The following AATK variants were observed in gnomAD, a reference collection of about 807,000 sequenced individuals.
The protein encoded by AATK is lemur tail kinase 1, also known as serine/threonine-protein kinase LMTK1.
AATK carries 91 observed loss-of-function variants against 114.3 expected under a neutral mutation model. That is an observed-to-expected ratio of 0.80 (90% CI 0.67 to 0.95). The LOEUF is 0.95. AATK is among the 40% of genes least tolerant of loss of function. The probability of loss-of-function intolerance (pLI) is 0.00; values close to 1 mark genes in which losing one functional copy is unlikely to be tolerated. For missense variants in AATK, 2,176 were observed against 1,965.2 expected (o/e 1.11, Z -2.03); for synonymous variants, 1,075 against 916.5 (o/e 1.17, Z -3.12).
intron 1 of AATK, among the ~76,000 whole-genome samples, chr17:81,153,068 C>T (rs1394661222): frequency 6.6e-6 from 1 of 152,116 alleles, no homozygotes; most frequent in Non-Finnish European, 1.5e-5. Flanking sequence ...TCTTGAACTC[C>T]CGACCTCAGG....
Position 81,128,491 on chromosome 17 carries a change from G to T in AATK, c.393C>A (p.Ile131=). 1 of 1,549,296 alleles carries T rather than the reference G, an allele frequency of 6.5e-7. No homozygotes were observed. Among genetic ancestry groups the T allele is most frequent in the Non-Finnish European group, 8.7e-7 (1 of 1,146,884 alleles). Residue 131 remains isoleucine, a synonymous_variant, in exon 4 of 14, where the codon ATC becomes ATA. Transcript: ENST00000326724. ...GTACCTTCCCGAACCAGCCACGGCC[G>T]ATTTCCTTCAGGTACAGGAGGCTGT... ...GRHSLLYLKE[I]GRGWFGKVFL...
rs561846924 is a variant in AATK, at chr17:81,147,649, C to T, written c.56-13148G>A. Among the ~76,000 whole-genome samples, 32 of 151,572 alleles carry T rather than the reference C, an allele frequency of 2.1e-4. 3 individuals are homozygous for T. Among genetic ancestry groups the T allele is most frequent in the Admixed American group, 1.4e-3 (22 of 15,182 alleles). ...CACACACCTGTGGTCCCAGCTACTC[C>T]GGAGGCTGAGGTCGGAGGATCGCTT... On this transcript the variant is annotated intron_variant, in intron 1 of 13. Coordinates refer to ENST00000326724, the MANE Select transcript of AATK (RefSeq NM_001080395.3).
chr17:81,118,458 A>G lies in AATK; in HGVS notation c.4085-16T>C. ...GCTTCAGGTCCTGGCAAGCAGGACAACAAAGTGAACACAGGGTTCTGAGAC... is the reference window on the plus strand; with the variant it reads ...GCTTCAGGTCCTGGCAAGCAGGACAGCAAAGTGAACACAGGGTTCTGAGAC... On this transcript the variant is annotated splice_polypyrimidine_tract_variant and intron_variant, in intron 13 of 13. Coordinates refer to ENST00000326724, the MANE Select transcript of AATK (RefSeq NM_001080395.3). 1 of 1,604,436 alleles carries G rather than the reference A, an allele frequency of 6.2e-7. No homozygotes were observed.
intron 1 of AATK, among the ~76,000 whole-genome samples, chr17:81,161,307 A>AC (rs1168873091): frequency 6.6e-6 from 1 of 150,652 alleles, no homozygotes; most frequent in East Asian, 2.0e-4. Flanking sequence ...GGCCTGCATC[A>AC]CTCCAGCCTC....
rs1018473008 is a variant in AATK, at chr17:81,120,460, T to C, written c.3476A>G (p.Glu1159Gly). 3.2e-6 allele frequency: 5 copies of C among 1,539,246 alleles called. No individual in the cohort carries two copies. Among genetic ancestry groups the C allele is most frequent in the African/African-American group, 1.4e-5 (1 of 72,832 alleles). ...GTCCTCACTGTCCTCCTCCTCCTCC[T>C]CCGGCCGGCCCTCCAAGGCCGCAGG... Reference protein sequence around the residue: ...GLPAALEGRPEEEEEDSEDSD... With the variant: ...GLPAALEGRPGEEEEDSEDSD... The change falls in exon 11 of 14, where the codon GAG becomes GGG. Residue 1159 changes from glutamate (E) to glycine (G), a missense_variant. Physicochemically the swap from Glu to Gly is moderately conservative, Grantham distance 98. Coordinates refer to ENST00000326724, the MANE Select transcript of AATK (RefSeq NM_001080395.3).
chr17:81,144,844 G>A lies in AATK; in HGVS notation c.56-10343C>T, dbSNP rs535097650. Among the ~76,000 whole-genome samples the A allele has an allele frequency of 1.2e-4, 19 of 152,302 alleles. No individual in the cohort carries two copies. The Middle Eastern group carries it at 0.017, about 136-fold the overall frequency. Reference sequence around the variant, plus strand: ...CAGACAGGAAATCTGCCCTTCCAGCGTCAAAAGCTACAATAATTAGAACCT... The same window carrying A: ...CAGACAGGAAATCTGCCCTTCCAGCATCAAAAGCTACAATAATTAGAACCT... On this transcript the variant is annotated intron_variant, in intron 1 of 13. Coordinates refer to ENST00000326724, the MANE Select transcript of AATK (RefSeq NM_001080395.3).
chr17:81,136,081 C>G (rs2061005234), intron 1 of AATK: 1 of 152,488 alleles, frequency 6.6e-6, no homozygotes, highest in Non-Finnish European at 1.5e-5. Context: ...ACTCAACAGG[C>G]CCCGCCCTCC....
intron 2 of AATK, chr17:81,131,876 G>A (rs369383131): frequency 3.6e-5 from 48 of 1,315,068 alleles, no homozygotes; most frequent in East Asian, 1.6e-4. Flanking sequence ...AGAGCCAACC[G>A]GCCACCTTTA....
chr17:81,155,676 G>T (rs975364126), intron 1 of AATK, among the ~76,000 whole-genome samples: 1 of 148,788 alleles, frequency 6.7e-6, no homozygotes, highest in Non-Finnish European at 1.5e-5. Context: ...GAGCCAGCGC[G>T]CCCGACCTAT....
At chr17:81,159,411 C>T (rs1293441508) in intron 1 of AATK, among the ~76,000 whole-genome samples, 6 of 152,134 alleles carry the variant, frequency 3.9e-5, no homozygotes, top group Admixed American at 3.3e-4. Flanking sequence ...CGTGCTGCCG[C>T]GCGGGTAAAT....
At chr17:81,127,275 C>A (rs12449399) in intron 6 of AATK, among the ~76,000 whole-genome samples, 58,802 of 151,892 alleles carry the variant, frequency 0.39, 12,505 homozygotes, top group East Asian at 0.72. Context: ...TGCCCCCCCC[C>A]AGTTGGCCCA....
In AATK at chr17:81,120,408, G is replaced by C; in HGVS notation, c.3528C>G (p.Arg1176=). 1.3e-6 allele frequency: 2 copies of C among 1,595,464 alleles called. No individual in the cohort carries two copies. The highest frequency in any genetic ancestry group is 1.7e-6 in the Non-Finnish European group (2 of 1,169,296). Residue 1176 remains arginine, a synonymous_variant, in exon 11 of 14, where the codon CGC becomes CGG. Coordinates refer to ENST00000326724, the MANE Select transcript of AATK (RefSeq NM_001080395.3). Reference sequence around the variant, plus strand: ...CGCTAGGCTCCTGGACGCTGTAGCAGCGGAGCTCCTCGTCAGACTCGTCGC... The same window carrying C: ...CGCTAGGCTCCTGGACGCTGTAGCACCGGAGCTCCTCGTCAGACTCGTCGC... ...EDSDESDEEL[R]CYSVQEPSED...
At chr17:81,149,195 G>A (rs2061263084) in intron 1 of AATK, among the ~76,000 whole-genome samples, 1 of 152,064 alleles carries the variant, frequency 6.6e-6, no homozygotes, top group Non-Finnish European at 1.5e-5. Context: ...ATCCCGGGCT[G>A]GACCCTCCTC....
chr17:81,140,920 TGGGACC>T (rs2061125336), intron 1 of AATK, among the ~76,000 whole-genome samples: 2 of 59,246 alleles, frequency 3.4e-5, no homozygotes, highest in African/African-American at 1.4e-4. Context: ...CGTGGGGCCG[TGGGACC>T]GTGGGACCAT....
chr17:81,164,911 G>A (rs910364590), intron 1 of AATK, among the ~76,000 whole-genome samples: 1 of 152,186 alleles, frequency 6.6e-6, no homozygotes, highest in Non-Finnish European at 1.5e-5. Flanking sequence ...TTCCTCCAGG[G>A]AGCAAATGCC....
chr17:81,157,591 C>A (rs2061382097), intron 1 of AATK, among the ~76,000 whole-genome samples: 1 of 152,242 alleles, frequency 6.6e-6, no homozygotes, highest in Admixed American at 6.5e-5. Context: ...CCCAGGCCAG[C>A]CCAGGGACGG....
rs541755447 is a variant in AATK at position 81,123,257 on chromosome 17, G to C, written c.1049C>G (p.Thr350Arg). 2 of 1,408,562 alleles carry C rather than the reference G, an allele frequency of 1.4e-6. No homozygotes were observed. Among genetic ancestry groups the C allele is most frequent in the Non-Finnish European group, 1.8e-6 (2 of 1,081,144 alleles). The allele number at this position is 1,408,562 out of a possible 1,614,324, so 87.3% of individuals were successfully genotyped here. A position where few individuals can be genotyped will look rare whatever the true frequency, so the allele number is the denominator to read the frequency against. The change falls in exon 10 of 14, where the codon ACG (threonine) becomes AGG (arginine). Residue 350 changes from threonine (T) to arginine (R), a missense_variant. Thr to Arg is a moderately conservative substitution (Grantham distance 71). Transcript: ENST00000326724. ...QHSDQQVLAY[T>R]VREQQLKLPK... ...CAGCTTGAGCTGCTGCTCCCGGACC[G>C]TGTACGCCAGCACCTGCTGGTCCGA...
chr17:81,139,573 C>CCACACATGCTGT (rs2061092211), intron 1 of AATK, among the ~76,000 whole-genome samples: 1 of 150,954 alleles, frequency 6.6e-6, no homozygotes, highest in African/African-American at 2.4e-5. Flanking sequence ...ACACATGCTG[C>CCACACATGCTGT]GCGGCCCCCA....
Position 81,121,277 on chromosome 17 carries a change from C to G in AATK, c.2659G>C (p.Val887Leu), listed in dbSNP as rs774930228. ...TTCTGCAGAGAGCGGAAGGCTGGCA[C>G]CACATCCGGCCTCCTGGCCTGCAGG... ...DGLQARRPDV[V>L]PAFRSLQKQV... is the part of the protein sequence containing the mutation. The change falls in exon 11 of 14, where the codon GTG (valine) becomes CTG (leucine). Residue 887 changes from valine (V) to leucine (L), a missense_variant. By Grantham distance (32) the Val-to-Leu change is conservative. Coordinates refer to ENST00000326724, the MANE Select transcript of AATK (RefSeq NM_001080395.3). 7 of 1,611,196 alleles carry G rather than the reference C, an allele frequency of 4.3e-6. 1 individual carries two copies. The South Asian group carries it at 4.4e-5, about 10-fold the overall frequency.
Sources: gnomAD v4.1 joint callset for allele counts (sites outside exome capture counted in the v4.1 genomes callset) on GRCh38, gnomAD v4.1.1 for gene constraint, MANE v1.5 for transcripts, NCBI Gene and HGNC (gene_info 2026-07-23, HGNC 2026-07-21) for gene names.